The following PCDHA2 variants were observed in gnomAD, a reference collection of about 807,000 sequenced individuals.
The protein encoded by PCDHA2 is protocadherin alpha-2.
In PCDHA2, 58 loss-of-function variants were observed where a neutral mutation model predicts 66.0. The observed-to-expected ratio is 0.88, with a 90% confidence interval of 0.71 to 1.09. PCDHA2 has a LOEUF of 1.09. PCDHA2 is among the 50% of genes least tolerant of loss of function. The pLI, the probability that PCDHA2 is intolerant of heterozygous loss-of-function variation, is 0.00. For synonymous variants in PCDHA2, 634 were observed against 554.0 expected (o/e 1.14, Z -2.03); for missense variants, 1,267 against 1,242.3 (o/e 1.02, Z -0.30).
chr5:140,879,337 G>A (rs251379), intron 1 of PCDHA2, among the ~76,000 whole-genome samples: 101,683 of 152,024 alleles, frequency 0.67, 34,216 homozygotes, highest in Middle Eastern at 0.71. Flanking sequence ...AGTTTGTTCA[G>A]CTGAGAAGAT....
At chr5:140,896,191 C>T (rs987655303) in intron 1 of PCDHA2, among the ~76,000 whole-genome samples, 1 of 152,184 alleles carries the variant, frequency 6.6e-6, no homozygotes, top group African/African-American at 2.4e-5. Flanking sequence ...GTGAATAGTG[C>T]CATGATGAAC....
At chr5:140,828,774 T>G (rs2150158749) in intron 1 of PCDHA2, 1 of 1,614,198 alleles carries the variant, frequency 6.2e-7, no homozygotes, top group Admixed American at 1.7e-5. Context: ...ACTGTTCAGC[T>G]GCTGGTCACA....
At chr5:140,809,261 G>T (rs1554125107) in intron 1 of PCDHA2, 2 of 1,613,992 alleles carry the variant, frequency 1.2e-6, no homozygotes, top group Non-Finnish European at 1.7e-6. Context: ...TCCCGATGCT[G>T]CGCTGGTGGA....
intron 1 of PCDHA2, among the ~76,000 whole-genome samples, chr5:140,895,558 A>G (rs1449174455): frequency 6.6e-6 from 1 of 152,154 alleles, no homozygotes; most frequent in Non-Finnish European, 1.5e-5. Context: ...AGTTCTTTAT[A>G]TATTCTAGAT....
rs1554164263 is a variant in PCDHA2, at chr5:140,870,437, C to T, written c.2388+73085C>T. ...ACGGCCAGGGTATCCGTGGAGGTGG[C>T]CGACGTGAACGACAATGCGCCTGCG... On this transcript the variant is annotated intron_variant, in intron 1 of 3. Transcript: ENST00000526136. 3.1e-6 allele frequency: 5 copies of T among 1,614,210 alleles called. No homozygotes were observed. In the East Asian group the frequency reaches 1.1e-4, roughly 36 times the overall value.
chr5:140,836,412 A>C, intron 1 of PCDHA2: 2 of 1,613,792 alleles, frequency 1.2e-6, no homozygotes, highest in Non-Finnish European at 8.5e-7. Context: ...CCAGGCACCA[A>C]AGGCGTCGTC....
chr5:140,883,672 T>C (rs782302494), intron 1 of PCDHA2: 2 of 1,613,366 alleles, frequency 1.2e-6, no homozygotes, highest in Non-Finnish European at 1.7e-6. Context: ...AGGAAAACAA[T>C]CCGCCGGGCT....
chr5:140,877,684 A>C, intron 1 of PCDHA2: 1 of 1,613,768 alleles, frequency 6.2e-7, no homozygotes, highest in East Asian at 2.2e-5. Flanking sequence ...GGGCAAGCCC[A>C]CGCTGGTGTG....
At chr5:140,917,245 G>A (rs2077971406) in intron 1 of PCDHA2, among the ~76,000 whole-genome samples, 1 of 149,588 alleles carries the variant, frequency 6.7e-6, no homozygotes, top group Non-Finnish European at 1.5e-5. Context: ...TAGGTACTAC[G>A]ATTGCTCACC....
At chr5:140,942,601 GT>G (rs1453167051) in intron 1 of PCDHA2, among the ~76,000 whole-genome samples, 1 of 130,480 alleles carries the variant, frequency 7.7e-6, no homozygotes, top group Non-Finnish European at 1.6e-5. Flanking sequence ...TAATTATAGT[GT>G]TTATATTTGC....
At chr5:140,856,963 T>C (rs1249230816) in intron 1 of PCDHA2, 1 of 1,590,702 alleles carries the variant, frequency 6.3e-7, no homozygotes, top group African/African-American at 1.3e-5. Context: ...AAGTAAATGA[T>C]GCTATTGACT....
At chr5:140,876,164 C>T (rs1554168313) in intron 1 of PCDHA2, 2 of 1,613,950 alleles carry the variant, frequency 1.2e-6, no homozygotes, top group South Asian at 1.1e-5. Flanking sequence ...ATTCAAATAA[C>T]CGTCCTGGAT....
rs573174481 is a variant in PCDHA2 at position 140,990,482 on chromosome 5, T to C, written c.2536+7919T>C. Among the ~76,000 whole-genome samples, 3 of 152,318 alleles carry C rather than the reference T, an allele frequency of 2.0e-5. No homozygotes were observed. In the South Asian group the frequency reaches 6.2e-4, roughly 32 times the overall value. On this transcript the variant is annotated intron_variant, in intron 3 of 3. Transcript: ENST00000526136. ...AGGTGGTATCATGTATCAAGCTGAA[T>C]AGTGAGGTGACATTCCCCAAGTCTT... is the stretch of plus-strand genomic sequence containing the variant.
intron 1 of PCDHA2, chr5:140,809,232 C>A: frequency 2.5e-6 from 4 of 1,614,062 alleles, no homozygotes; most frequent in Non-Finnish European, 3.4e-6. Flanking sequence ...TCCTCACGGG[C>A]GTTGGTGGGC....
At chr5:140,918,111 C>A (rs1035723043) in intron 1 of PCDHA2, among the ~76,000 whole-genome samples, 1 of 152,016 alleles carries the variant, frequency 6.6e-6, no homozygotes, top group Admixed American at 6.6e-5. Flanking sequence ...CTTTCACATC[C>A]TTGATTAGCC....
intron 1 of PCDHA2, among the ~76,000 whole-genome samples, chr5:140,947,315 C>CGGTT (rs1443576978): frequency 4.0e-5 from 6 of 151,444 alleles, no homozygotes; most frequent in African/African-American, 1.5e-4. Flanking sequence ...TGTAAAAAGT[C>CGGTT]GGTTGACCAT....
chr5:140,892,448 A>G (rs973072554), intron 1 of PCDHA2, among the ~76,000 whole-genome samples: 13 of 152,292 alleles, frequency 8.5e-5, no homozygotes, highest in African/African-American at 2.9e-4. Context: ...ATTTACATGT[A>G]TTCTTTAAGT....
At chr5:140,977,140 G>A (rs2096748068) in intron 1 of PCDHA2, among the ~76,000 whole-genome samples, 1 of 152,202 alleles carries the variant, frequency 6.6e-6, no homozygotes, top group Non-Finnish European at 1.5e-5. Context: ...GGTCAGTCCT[G>A]CTGGAACTGT....
chr5:140,877,095 C>G, intron 1 of PCDHA2: 1 of 1,613,330 alleles, frequency 6.2e-7, no homozygotes, highest in Admixed American at 1.7e-5. Flanking sequence ...GCGACGCCGG[C>G]GTGCCGCCTC....
Sources: allele counts gnomAD v4.1 joint callset (sites outside exome capture counted in the v4.1 genomes callset), GRCh38; gene constraint gnomAD v4.1.1; transcripts MANE v1.5; gene names NCBI Gene and HGNC (gene_info 2026-07-23, HGNC 2026-07-21).